The following DAO variants were observed in gnomAD, a reference collection of about 807,000 sequenced individuals.
The protein encoded by DAO is D-amino-acid oxidase.
Under a neutral mutation model 50.1 loss-of-function variants are expected in DAO, and 51 were observed. The observed-to-expected ratio is 1.02, with a 90% CI of 0.81 to 1.29. The LOEUF is 1.29. Ranked by LOEUF, DAO falls within the 50% of genes most tolerant of loss-of-function variation. The pLI is 0.00. For synonymous variants in DAO, 160 were observed against 166.2 expected, an observed-to-expected ratio of 0.96 and a Z score of 0.29; for missense variants, 436 against 439.4, an observed-to-expected ratio of 0.99 and a Z score of 0.07.
At chr12:108,892,892 G>T (rs568523284) in intron 5 of DAO, 90 bp from the exon 6 acceptor site, 23 of 1,159,406 alleles carry the variant, frequency 2.0e-5, no homozygotes, top group South Asian at 1.8e-4. Context: ...TCCGCAGAAG[G>T]TTGTTTGGGA....
chr12:108,893,306 C>T (rs868544199), intron 6 of DAO, among the ~76,000 whole-genome samples: 6 of 152,202 alleles, frequency 3.9e-5, no homozygotes, highest in Admixed American at 6.5e-5. Context: ...GAGAGCTGGC[C>T]GCATTTTCTC....
Position 108,898,721 on chromosome 12 carries a change from C to G in DAO, c.738C>G (p.Asn246Lys). Residue 246 changes from asparagine to lysine, a missense_variant, in exon 9 of 11, where the codon AAC (asparagine) becomes AAG (lysine). Transcript: ENST00000228476. The stretch of plus-strand genomic sequence containing the variant: ...TTGGAGGCATCTTCCAGTTGGGAAA[C>G]TGGAGTGAACTAAACAATATCCAGG... ...VTLGGIFQLG[N>K]WSELNNIQDH... The G allele has an allele frequency of 6.2e-7, 1 of 1,614,026 alleles. No individual in the cohort carries two copies. Among genetic ancestry groups the G allele is most frequent in the Non-Finnish European group, 8.5e-7 (1 of 1,179,960 alleles).
chr12:108,883,898 C>T (rs1555245044), intron 1 of DAO: 5 of 268,162 alleles, frequency 1.9e-5, no homozygotes, highest in East Asian at 2.0e-4. Context: ...AAGAATGTCC[C>T]GCTGTCCAGG....
chr12:108,900,358 C>T (rs1347216659), intron 10 of DAO, 46 bp from the exon 11 acceptor site: 19 of 1,609,910 alleles, frequency 1.2e-5, no homozygotes, highest in Non-Finnish European at 1.6e-5. Flanking sequence ...CTATTCTTTC[C>T]ACTGTCCCTC....
intron 1 of DAO, among the ~76,000 whole-genome samples, 151 bp from the exon 2 acceptor site, chr12:108,884,847 C>G (rs1272422348): frequency 6.6e-6 from 1 of 152,158 alleles, no homozygotes; most frequent in East Asian, 1.9e-4. Context: ...CAATGATATT[C>G]CTTCCTCCTA....
At chr12:108,890,064 C>T (rs1482771567) in intron 4 of DAO, 144 bp from the exon 5 acceptor site, 14 of 737,154 alleles carry the variant, frequency 1.9e-5, no homozygotes, top group Middle Eastern at 2.3e-4. Flanking sequence ...CTCAAAACCA[C>T]GTCCCCCCTT....
At chr12:108,898,844 T>A (rs969641487) in intron 9 of DAO, 48 bp downstream of exon 9, 10 of 1,315,480 alleles carry the variant, frequency 7.6e-6, no homozygotes, top group African/African-American at 2.9e-5. Flanking sequence ...TCGTGGGAGC[T>A]TGGTAATGAG....
At chr12:108,898,833 G>T (rs1467848916) in intron 9 of DAO, 37 bp downstream of exon 9, 1 of 1,423,916 alleles carries the variant, frequency 7.0e-7, no homozygotes. Context: ...CTAAACCAAG[G>T]TCGTGGGAGC....
chr12:108,883,249 C>T (rs2039400218), intron 1 of DAO, among the ~76,000 whole-genome samples: 1 of 152,222 alleles, frequency 6.6e-6, no homozygotes, highest in East Asian at 1.9e-4. Flanking sequence ...CAGGTTCAAG[C>T]GATTCTCCTG....
chr12:108,895,079 T>C (rs1346159191), intron 7 of DAO, among the ~76,000 whole-genome samples: 1 of 152,210 alleles, frequency 6.6e-6, no homozygotes, highest in Non-Finnish European at 1.5e-5. Flanking sequence ...ATATCGTTAT[T>C]GTCATCTTAC....
chr12:108,900,649 GCA>G lies in DAO; in HGVS notation c.*115_*116del. 5 of 1,490,766 alleles carry G rather than the reference GCA, an allele frequency of 3.4e-6. No homozygotes were observed. The highest frequency in any genetic ancestry group is 4.6e-6 in the Non-Finnish European group (5 of 1,091,304). The allele number at this position is 1,490,766 out of a possible 1,614,324, so 92.3% of individuals were successfully genotyped here. ...CTCCCTCACTTCTTTCCTCAAAGAA[GCA>G]TGAGGTGAGAGAAAGCCACAAAGTC... On this transcript the variant is annotated 3_prime_UTR_variant, in exon 11 of 11. Transcript: ENST00000228476.
In DAO at chr12:108,887,569, GTGAACAGTTCT is replaced by G. The variant is rs2137345869; in HGVS notation, c.309+9_309+19del. On this transcript the variant is annotated splice_donor_region_variant and intron_variant, in intron 3 of 10. Coordinates refer to ENST00000228476, the MANE Select transcript of DAO (RefSeq NM_001917.5). Reference sequence around the variant, plus strand: ...CTCTTCCATGAAGCCATTCCGGTGGGTGAACAGTTCTTGACCATGAGGGATGAGCACCCAGG... The same window carrying G: ...CTCTTCCATGAAGCCATTCCGGTGGGTGACCATGAGGGATGAGCACCCAGG... 6.2e-7 allele frequency: 1 copy of G among 1,605,070 alleles called. No homozygotes were observed. The highest frequency in any genetic ancestry group is 2.2e-5 in the East Asian group (1 of 44,826).
Position 108,894,360 on chromosome 12 carries a change from T to C in DAO, c.605T>C (p.Ile202Thr). ...CTGCTGCAGCCAGGCCGGGGGCAGA[T>C]CATGAAGGTGAGTGTGAGGGTGAGA... Reference protein sequence around the residue: ...DPLLQPGRGQIMKVDAPWMKH... With the variant: ...DPLLQPGRGQTMKVDAPWMKH... The change falls in exon 7 of 11, where the codon ATC becomes ACC. Residue 202 changes from isoleucine (I) to threonine (T), a missense_variant. Physicochemically the swap from Ile to Thr is moderately conservative, Grantham distance 89. Coordinates refer to ENST00000228476, the MANE Select transcript of DAO (RefSeq NM_001917.5). The C allele has an allele frequency of 1.2e-6, 2 of 1,613,026 alleles. No homozygotes were observed. The highest frequency in any genetic ancestry group is 1.1e-5 in the South Asian group (1 of 90,990).
chr12:108,897,141 A>G, intron 8 of DAO, 53 bp downstream of exon 8: 1 of 1,312,724 alleles, frequency 7.6e-7, no homozygotes, highest in African/African-American at 1.4e-5. Context: ...TGCCCTCTTC[A>G]TGACCCTGCT....
At chr12:108,886,722 T>C (rs1189729064) in intron 2 of DAO, among the ~76,000 whole-genome samples, 1 of 152,138 alleles carries the variant, frequency 6.6e-6, no homozygotes, top group East Asian at 1.9e-4. Flanking sequence ...TGCCTCAGCC[T>C]CCTGAAGAGC....
chr12:108,891,883 A>AG, intron 5 of DAO, among the ~76,000 whole-genome samples: 1 of 152,100 alleles, frequency 6.6e-6, no homozygotes, highest in South Asian at 2.1e-4. Flanking sequence ...TACAGGCGTG[A>AG]GCAAACAGGC....
intron 1 of DAO, among the ~76,000 whole-genome samples, chr12:108,881,474 AACACACACAC>A (rs59694062): frequency 1.2e-4 from 16 of 138,592 alleles, no homozygotes; most frequent in Middle Eastern, 3.7e-3. Flanking sequence ...TGTATTTTAA[AACACACACAC>A]ACACACACAC....
chr12:108,894,578 G>A (rs865789057), intron 7 of DAO, among the ~76,000 whole-genome samples: 5 of 152,044 alleles, frequency 3.3e-5, no homozygotes, highest in South Asian at 4.1e-4. Context: ...GCATGTATGC[G>A]CTTGTACCTA....
Position 108,887,514 on chromosome 12 carries a change from C to G in DAO, c.259C>G (p.Leu87Val), listed in dbSNP as rs200866982. ...SHVHSPNAEN[L>V]GLFLISGYNL... The stretch of plus-strand genomic sequence containing the variant: ...TGTCCATTCTCCCAACGCTGAAAAC[C>G]TGGGCCTGTTCCTAATCTCGGGCTA... The change falls in exon 3 of 11, where the codon CTG (leucine) becomes GTG (valine). Residue 87 changes from leucine to valine, a missense_variant. Transcript: ENST00000228476. The G allele has an allele frequency of 8.1e-6, 13 of 1,614,136 alleles. No individual in the cohort carries two copies. Among genetic ancestry groups the G allele is most frequent in the Middle Eastern group, 1.6e-4 (1 of 6,062 alleles).
Sources: gnomAD v4.1 joint callset for allele counts (sites outside exome capture counted in the v4.1 genomes callset) on GRCh38, gnomAD v4.1.1 for gene constraint, MANE v1.5 for transcripts, NCBI Gene and HGNC (gene_info 2026-07-23, HGNC 2026-07-21) for gene names.